The following TRIP11 variants were observed in gnomAD, a reference collection of about 807,000 sequenced individuals.
The protein encoded by TRIP11 is thyroid hormone receptor interactor 11.
A neutral mutation model predicts 223.1 loss-of-function variants in TRIP11; 148 were observed. The ratio of observed to expected loss-of-function variants is 0.66; its 90% confidence interval spans 0.58 to 0.76. The LOEUF is 0.76. Among genes scored for constraint, TRIP11 ranks in the 30% least tolerant of loss-of-function variants. The pLI, the probability that TRIP11 is intolerant of heterozygous loss-of-function variation, is 0.00. For synonymous variants in TRIP11, 762 were observed against 772.6 expected, an observed-to-expected ratio of 0.99 and a Z score of 0.23; for missense variants, 2,043 against 2,222.0, an observed-to-expected ratio of 0.92 and a Z score of 1.62.
intron 20 of TRIP11, among the ~76,000 whole-genome samples, 156 bp downstream of exon 20, chr14:91,972,561 C>T (rs531503364): frequency 6.1e-4 from 91 of 148,248 alleles, no homozygotes; most frequent in African/African-American, 2.3e-3. Context: ...AAGCCTGATG[C>T]CTTATTGGAA....
At chr14:92,009,642 G>T (rs145066939) in intron 9 of TRIP11, among the ~76,000 whole-genome samples, 177 of 152,300 alleles carry the variant, frequency 1.2e-3, no homozygotes, top group Non-Finnish European at 1.6e-3. Flanking sequence ...GGTAGAAAGA[G>T]TGGCAGCAAG....
chr14:91,992,706 G>A lies in TRIP11; in HGVS notation c.5160+1103C>T, dbSNP rs189216043. 2.3e-3 allele frequency among the ~76,000 whole-genome samples: 356 copies of A among 151,854 alleles called. 3 individuals carry two copies. Among genetic ancestry groups the A allele is most frequent in the East Asian group, 0.016 (81 of 5,156 alleles). On this transcript the variant is annotated intron_variant, in intron 15 of 20. Transcript: ENST00000267622. ...GGGCGGATCACGAGGTCAGGAGATC[G>A]AGACTATCCTGGCTAACATGGTGAA...
chr14:91,972,579 A>G, intron 20 of TRIP11, 138 bp downstream of exon 20: 1 of 804,882 alleles, frequency 1.2e-6, no homozygotes, highest in Non-Finnish European at 1.9e-6. Flanking sequence ...GAAAAGCCTG[A>G]TGCCTTATTG....
intron 2 of TRIP11, 91 bp downstream of exon 2, chr14:92,033,101 G>A: frequency 1.0e-6 from 1 of 982,596 alleles, no homozygotes; most frequent in Non-Finnish European, 1.6e-6. Context: ...GTGCTAAGCA[G>A]TACATTTAAA....
intron 15 of TRIP11, among the ~76,000 whole-genome samples, chr14:91,993,498 AAGAG>A (rs1566852214): frequency 6.6e-6 from 1 of 151,034 alleles, no homozygotes; most frequent in Non-Finnish European, 1.5e-5. Context: ...AAAAAAAAAA[AAGAG>A]AGAAAATTAT....
intron 2 of TRIP11, 95 bp from the exon 3 acceptor site, chr14:92,025,515 C>CCCCA (rs1555388724): frequency 1.2e-6 from 1 of 812,760 alleles, no homozygotes; most frequent in African/African-American, 1.8e-5. Context: ...GCTTTCCCCC[C>CCCCA]CCAAAAATGT....
chr14:91,988,462 C>A (rs773708393), intron 15 of TRIP11, 79 bp from the exon 16 acceptor site: 514 of 1,233,134 alleles, frequency 4.2e-4, no homozygotes, highest in Non-Finnish European at 5.5e-4. Flanking sequence ...ATCTTAGAGT[C>A]AACCTCTACA....
chr14:91,993,809 C>T lies in TRIP11; in HGVS notation c.5160G>A (p.Gln1720=), dbSNP rs779414041. The T allele has an allele frequency of 1.2e-6, 2 of 1,610,280 alleles. No individual in the cohort carries two copies. Among genetic ancestry groups the T allele is most frequent in the Middle Eastern group, 1.7e-4 (1 of 6,036 alleles). The change falls in exon 15 of 21, where the codon CAG becomes CAA. Residue 1720 remains glutamine, a splice_region_variant and synonymous_variant. Transcript: ENST00000267622. The stretch of plus-strand genomic sequence containing the variant: ...ACAAGAGAAAACTATTTTGTCCTAC[C>T]TGTAATGATATCACTTTTCCTTCCA... ...ENLEGKVISL[Q]ECLDEANAAL... is the part of the protein sequence containing the mutation.
rs559760225 is a variant in TRIP11, at chr14:91,999,981, G to A, written c.4685C>T (p.Ala1562Val). The change falls in exon 12 of 21, where the codon GCC (alanine) becomes GTC (valine). Residue 1562 changes from alanine (A) to valine (V), a missense_variant. Ala to Val is a moderately conservative substitution (Grantham distance 64). Transcript: ENST00000267622. ...GTGAAAGTATACCTCATTCTGTAGG[G>A]CAGTATTTTCCATTTGTTTTTGTTT... The part of the protein sequence containing the change: ...ALKQKQMENT[A>V]LQNEVQRLRD... 2 of 1,613,700 alleles carry A rather than the reference G, an allele frequency of 1.2e-6. No homozygotes were observed. The highest frequency in any genetic ancestry group is 2.2e-5 in the East Asian group (1 of 44,820).
At chr14:92,021,475 A>C in intron 4 of TRIP11, 81 bp downstream of exon 4, 1 of 1,423,164 alleles carries the variant, frequency 7.0e-7, no homozygotes, top group Non-Finnish European at 9.8e-7. Context: ...TTCTGATATC[A>C]AAAGCTCTAC....
At chr14:92,008,607 T>C (rs1036850176) in intron 9 of TRIP11, among the ~76,000 whole-genome samples, 1 of 152,258 alleles carries the variant, frequency 6.6e-6, no homozygotes, top group African/African-American at 2.4e-5. Context: ...CAACATTATT[T>C]CAGTCTCTAG....
rs576366867 is a variant in TRIP11, at chr14:92,037,235, C to T, written c.139+2312G>A. ...AAGGAGCAAAAAAATTCAGTCCTCACGCTGGGCATCAGGAAAACAGATAAA... is the reference window on the plus strand; with the variant it reads ...AAGGAGCAAAAAAATTCAGTCCTCATGCTGGGCATCAGGAAAACAGATAAA... On this transcript the variant is annotated intron_variant, in intron 1 of 20. Transcript: ENST00000267622. The surrounding 1 kb of genome is among the most constrained non-coding windows in gnomAD (Gnocchi z 4.2). 9.9e-5 allele frequency among the ~76,000 whole-genome samples: 15 copies of T among 152,250 alleles called. 1 individual carries two copies. The South Asian group carries it at 2.1e-3, about 21-fold the overall frequency.
rs1443990657 is a variant in TRIP11, at chr14:91,966,800, G to A, written c.*2873C>T. 4.6e-6 allele frequency: 1 copy of A among 216,630 alleles called. No homozygotes were observed. The highest frequency in any genetic ancestry group is 2.3e-5 in the African/African-American group (1 of 44,368). 13.4% of individuals were successfully genotyped at this position (216,630 alleles called of 1,614,324 possible). ...ATGAATTTTCTACTACAGTATAGAG[G>A]TTGAAAACCATTAGGAATGTGGTAA... On this transcript the variant is annotated 3_prime_UTR_variant, in exon 21 of 21. Coordinates refer to ENST00000267622, the MANE Select transcript of TRIP11 (RefSeq NM_004239.4).
intron 2 of TRIP11, among the ~76,000 whole-genome samples, chr14:92,030,367 C>T (rs1465539954): frequency 6.6e-6 from 1 of 152,064 alleles, no homozygotes; most frequent in Non-Finnish European, 1.5e-5. Flanking sequence ...TAAGCAGATA[C>T]ATGACAGTAT....
intron 5 of TRIP11, among the ~76,000 whole-genome samples, chr14:92,016,743 G>A (rs1261135403): frequency 1.3e-5 from 2 of 152,088 alleles, no homozygotes; most frequent in African/African-American, 4.8e-5. Context: ...GTATTATCAT[G>A]GTCTCCATTG....
At chr14:92,026,692 G>A in intron 2 of TRIP11, 1 of 1,026,960 alleles carries the variant, frequency 9.7e-7, no homozygotes, top group Non-Finnish European at 1.5e-6. Flanking sequence ...TGGGGAGCAA[G>A]AGGCTGACAA....
chr14:92,030,591 T>C (rs1418939757), intron 2 of TRIP11: 1 of 152,132 alleles, frequency 6.6e-6, no homozygotes, highest in Non-Finnish European at 1.5e-5. Context: ...TTCTCCATGT[T>C]GGTCAGGCTG....
At chr14:92,017,999 T>C (rs2057057483) in intron 4 of TRIP11, among the ~76,000 whole-genome samples, 2 of 152,142 alleles carry the variant, frequency 1.3e-5, no homozygotes, top group South Asian at 4.1e-4. Context: ...TAACTAAAGT[T>C]AAGGTAGAAA....
chr14:91,994,655 A>G (rs538241154), intron 14 of TRIP11, among the ~76,000 whole-genome samples: 1 of 152,328 alleles, frequency 6.6e-6, no homozygotes, highest in East Asian at 1.9e-4. Flanking sequence ...CCTCATTCTC[A>G]TATCCCCTAA....
Sources: gnomAD v4.1 joint callset for allele counts (sites outside exome capture counted in the v4.1 genomes callset) on GRCh38, gnomAD v4.1.1 for gene constraint, Gnocchi (gnomAD v3.1) non-coding constraint, MANE v1.5 for transcripts, NCBI Gene and HGNC (gene_info 2026-07-23, HGNC 2026-07-21) for gene names.